The following GTF2E2 variants were observed in gnomAD, a reference collection of about 807,000 sequenced individuals.
The protein encoded by GTF2E2 is transcription initiation factor IIE subunit beta.
Under a neutral mutation model 40.5 loss-of-function variants are expected in GTF2E2, and 21 were observed. That is an observed-to-expected ratio of 0.52 (90% CI 0.37 to 0.75). The LOEUF is 0.75. Ranked by LOEUF, GTF2E2 falls within the 30% of genes least tolerant of loss-of-function variation. The pLI is 0.00. For missense variants in GTF2E2, 298 were observed against 338.4 expected (o/e 0.88, Z 0.94); for synonymous variants, 117 against 121.6 (o/e 0.96, Z 0.25).
chr8:30,622,156 T>C (rs1436673878), intron 3 of GTF2E2, among the ~76,000 whole-genome samples: 6 of 114,548 alleles, frequency 5.2e-5, no homozygotes, highest in Admixed American at 1.2e-4. Flanking sequence ...CGGTGTGTGA[T>C]GTTCCCCTTC....
At chr8:30,615,426 C>A (rs1380046273) in intron 3 of GTF2E2, among the ~76,000 whole-genome samples, 1 of 152,078 alleles carries the variant, frequency 6.6e-6, no homozygotes, top group Admixed American at 6.6e-5. Flanking sequence ...CAGTACCACA[C>A]AGAAAAGTGA....
chr8:30,614,354 C>T (rs1285077523), intron 4 of GTF2E2, among the ~76,000 whole-genome samples: 3 of 151,982 alleles, frequency 2.0e-5, no homozygotes, highest in Non-Finnish European at 1.5e-5. Context: ...CCGAGGTGGG[C>T]GGATCACTTG....
intron 6 of GTF2E2, among the ~76,000 whole-genome samples, chr8:30,599,939 C>T (rs1277268111): frequency 1.3e-5 from 2 of 151,828 alleles, no homozygotes; most frequent in African/African-American, 2.4e-5. Context: ...GCGGAGATCA[C>T]GCCACTGCAC....
chr8:30,641,562 A>G (rs1217326634), intron 2 of GTF2E2, among the ~76,000 whole-genome samples: 2 of 151,954 alleles, frequency 1.3e-5, no homozygotes, highest in African/African-American at 2.4e-5. Context: ...GCCTCCCCAC[A>G]TTGCCCAGGC....
intron 2 of GTF2E2, among the ~76,000 whole-genome samples, chr8:30,639,103 G>C (rs1052012258): frequency 6.6e-6 from 1 of 152,084 alleles, no homozygotes; most frequent in African/African-American, 2.4e-5. Flanking sequence ...TTATAAGAAA[G>C]TTTGTTATAT....
At chr8:30,593,675 T>C (rs1208732519) in intron 6 of GTF2E2, among the ~76,000 whole-genome samples, 2 of 152,092 alleles carry the variant, frequency 1.3e-5, no homozygotes, top group African/African-American at 4.8e-5. Flanking sequence ...TTTTTATTTT[T>C]TGTAGAGACG....
chr8:30,594,636 T>C (rs1484965231), intron 6 of GTF2E2, among the ~76,000 whole-genome samples: 4 of 150,030 alleles, frequency 2.7e-5, no homozygotes, highest in Admixed American at 2.0e-4. Context: ...GGTGGGAAGA[T>C]CGCCTGAGGT....
At chr8:30,610,303 G>C (rs754608906) in intron 5 of GTF2E2, among the ~76,000 whole-genome samples, 3 of 151,966 alleles carry the variant, frequency 2.0e-5, no homozygotes, top group Non-Finnish European at 2.9e-5. Flanking sequence ...AAAATTAGTT[G>C]GGTGTGGTGG....
intron 6 of GTF2E2, among the ~76,000 whole-genome samples, chr8:30,601,900 T>C (rs952568273): frequency 3.3e-5 from 5 of 152,236 alleles, no homozygotes; most frequent in African/African-American, 1.2e-4. Context: ...CGTAACTATA[T>C]TGGCCCATTG....
chr8:30,594,767 G>A (rs1028390702), intron 6 of GTF2E2, among the ~76,000 whole-genome samples: 2 of 150,654 alleles, frequency 1.3e-5, no homozygotes, highest in Non-Finnish European at 1.5e-5. Flanking sequence ...TGAGGCAGGA[G>A]AATCACTTGA....
intron 3 of GTF2E2, 26 bp from the exon 4 acceptor site, chr8:30,614,741 G>GA: frequency 7.5e-7 from 1 of 1,334,642 alleles, no homozygotes; most frequent in Non-Finnish European, 1.1e-6. Context: ...ATTGTTATTA[G>GA]AAGACAGTTT....
At chr8:30,619,697 A>G (rs542865894) in intron 3 of GTF2E2, among the ~76,000 whole-genome samples, 12 of 152,046 alleles carry the variant, frequency 7.9e-5, no homozygotes, top group Middle Eastern at 3.4e-3. Context: ...AAACTGACAT[A>G]TTTTTTAAAA....
intron 2 of GTF2E2, among the ~76,000 whole-genome samples, chr8:30,643,190 T>C (rs1331145514): frequency 4.6e-5 from 7 of 152,014 alleles, no homozygotes; most frequent in African/African-American, 1.7e-4. Flanking sequence ...GAGTTTGGGG[T>C]GTGAAAACAA....
intron 5 of GTF2E2, among the ~76,000 whole-genome samples, chr8:30,609,891 T>A (rs1829433499): frequency 6.6e-6 from 1 of 152,178 alleles, no homozygotes; most frequent in Admixed American, 6.5e-5. Flanking sequence ...CCATGTAAGA[T>A]GAGCCTGTTT....
chr8:30,648,268 A>G (rs1802163670), intron 2 of GTF2E2, among the ~76,000 whole-genome samples: 1 of 152,230 alleles, frequency 6.6e-6, no homozygotes, highest in African/African-American at 2.4e-5. Flanking sequence ...AGAGATAATT[A>G]GAGGCCAGAT....
chr8:30,622,435 T>G (rs968323022), intron 3 of GTF2E2, among the ~76,000 whole-genome samples: 6 of 126,840 alleles, frequency 4.7e-5, no homozygotes, highest in Non-Finnish European at 9.2e-5. Flanking sequence ...CTTCACAAGA[T>G]AATAGAGTAT....
At chr8:30,592,608 C>T (rs560362731) in intron 6 of GTF2E2, among the ~76,000 whole-genome samples, 3 of 152,268 alleles carry the variant, frequency 2.0e-5, no homozygotes, top group Non-Finnish European at 2.9e-5. Context: ...TATGCCTATC[C>T]TCCCATGCAC....
intron 3 of GTF2E2, among the ~76,000 whole-genome samples, chr8:30,615,076 C>T (rs1246489278): frequency 2.0e-5 from 3 of 151,984 alleles, no homozygotes; most frequent in Admixed American, 6.5e-5. Flanking sequence ...GTCAGGTGTT[C>T]GAGACCAGCC....
chr8:30,653,726 CTTGCAT>C, intron 1 of GTF2E2, 124 bp from the exon 2 acceptor site: 1 of 661,098 alleles, frequency 1.5e-6, no homozygotes, highest in Non-Finnish European at 2.6e-6. Flanking sequence ...TTCTCTAGCA[CTTGCAT>C]TTATTCACTT....
Sources: allele counts gnomAD v4.1 joint callset (sites outside exome capture counted in the v4.1 genomes callset), GRCh38; gene constraint gnomAD v4.1.1; transcripts MANE v1.5; gene names NCBI Gene and HGNC (gene_info 2026-07-23, HGNC 2026-07-21).